CATSPER3: variants seen among roughly 807,000 people sequenced by gnomAD.
CATSPER3 encodes the protein cation channel sperm associated 3.
Under a neutral mutation model 36.6 loss-of-function variants are expected in CATSPER3, and 23 were observed. That is an observed-to-expected ratio of 0.63 (90% CI 0.45 to 0.89). The LOEUF (loss-of-function observed/expected upper bound fraction) is 0.89, where lower values mean the gene tolerates loss of function less well. Among genes scored for constraint, CATSPER3 ranks in the 40% least tolerant of loss-of-function variants. CATSPER3 has a pLI of 0.00. For synonymous variants in CATSPER3, 172 were observed against 184.1 expected (o/e 0.93, Z 0.53); for missense variants, 474 against 503.9 (o/e 0.94, Z 0.57).
At chr5:134,980,742 C>T (rs561713978) in intron 2 of CATSPER3, among the ~76,000 whole-genome samples, 1 of 151,940 alleles carries the variant, frequency 6.6e-6, no homozygotes, top group Non-Finnish European at 1.5e-5. Flanking sequence ...TTCCTCCTTT[C>T]TTTATCAGAC....
intron 2 of CATSPER3, among the ~76,000 whole-genome samples, chr5:134,980,432 T>C (rs982659398): frequency 1.4e-5 from 2 of 147,672 alleles, no homozygotes; most frequent in African/African-American, 4.9e-5. Context: ...TTTCTTTCTT[T>C]CTTTTTTTTT....
chr5:135,011,377 C>T (rs1265570224), intron 7 of CATSPER3, 144 bp from the exon 8 acceptor site: 2 of 701,720 alleles, frequency 2.9e-6, no homozygotes, highest in Non-Finnish European at 5.1e-6. Context: ...TCCAAGATTC[C>T]AACCCAGCCT....
intron 2 of CATSPER3, among the ~76,000 whole-genome samples, chr5:134,994,645 T>G (rs893139861): frequency 6.6e-6 from 1 of 152,216 alleles, no homozygotes; most frequent in African/African-American, 2.4e-5. Context: ...TCAGATCACT[T>G]CCTTCCTCAA....
intron 1 of CATSPER3, 35 bp from the exon 2 acceptor site, chr5:134,969,904 G>A (rs1052340755): frequency 6.2e-7 from 1 of 1,612,480 alleles, no homozygotes; most frequent in African/African-American, 1.3e-5. Context: ...GCTCTATTGT[G>A]CTGTAACCAT....
At chr5:134,997,977 G>C (rs553611073) in intron 3 of CATSPER3, among the ~76,000 whole-genome samples, 1 of 152,034 alleles carries the variant, frequency 6.6e-6, no homozygotes, top group South Asian at 2.1e-4. Flanking sequence ...CAACGTGCAG[G>C]TTTGTTACAT....
In CATSPER3 at chr5:134,969,950, A is replaced by G. The variant is rs745636557; in HGVS notation, c.110A>G (p.Asp37Gly). The change falls in exon 2 of 8, where the codon GAT becomes GGT. Residue 37 changes from aspartate to glycine, a missense_variant. Coordinates refer to ENST00000282611, the MANE Select transcript of CATSPER3 (RefSeq NM_178019.3). ...PTFKKFKRND[D>G]ECRAFVKRVI... is the part of the protein sequence containing the mutation. Reference sequence around the variant, plus strand: ...CAACTTTTTGACAGGAGGAACGATGATGAATGTCGGGCATTTGTGAAGAGA... The same window carrying G: ...CAACTTTTTGACAGGAGGAACGATGGTGAATGTCGGGCATTTGTGAAGAGA... 1 of 1,614,016 alleles carries G rather than the reference A, an allele frequency of 6.2e-7. No individual in the cohort carries two copies. Among genetic ancestry groups the G allele is most frequent in the African/African-American group, 1.3e-5 (1 of 74,922 alleles).
rs1752179361 is a variant in CATSPER3 at position 135,011,501 on chromosome 5, C to T, written c.1095-20C>T. The stretch of plus-strand genomic sequence containing the variant: ...CTGCCTCTGACCTCAGATCTTATCT[C>T]CTCCTGCTCCATTTTTCAGGCTTCA... On this transcript the variant is annotated intron_variant, in intron 7 of 7. Transcript: ENST00000282611. The T allele has an allele frequency of 6.3e-7, 1 of 1,593,374 alleles. No individual in the cohort carries two copies. The highest frequency in any genetic ancestry group is 1.3e-5 in the African/African-American group (1 of 74,472).
At chr5:134,976,730 T>A (rs1335777974) in intron 2 of CATSPER3, among the ~76,000 whole-genome samples, 1 of 152,268 alleles carries the variant, frequency 6.6e-6, no homozygotes, top group African/African-American at 2.4e-5. Flanking sequence ...GGCTTCTGCC[T>A]GGACACCTGG....
chr5:135,004,038 C>T (rs1041425630), intron 3 of CATSPER3, among the ~76,000 whole-genome samples: 12 of 152,202 alleles, frequency 7.9e-5, no homozygotes, highest in African/African-American at 2.2e-4. Context: ...CCATCTTCTG[C>T]GTCACTCACA....
intron 2 of CATSPER3, among the ~76,000 whole-genome samples, chr5:134,974,983 G>C (rs560475583): frequency 6.6e-6 from 1 of 152,120 alleles, no homozygotes; most frequent in Non-Finnish European, 1.5e-5. Context: ...CCTAGGGGAT[G>C]TTCTGTGATG....
At chr5:134,970,619 T>G (rs957745660) in intron 2 of CATSPER3, among the ~76,000 whole-genome samples, 1 of 142,126 alleles carries the variant, frequency 7.0e-6, no homozygotes, top group Non-Finnish European at 1.5e-5. Context: ...TTGCCCAACC[T>G]GCAGTGCAAT....
chr5:134,983,318 A>G (rs1472312656), intron 2 of CATSPER3, among the ~76,000 whole-genome samples: 1 of 152,124 alleles, frequency 6.6e-6, no homozygotes, highest in Non-Finnish European at 1.5e-5. Flanking sequence ...TTTAGATTCA[A>G]AGGTACAAAT....
rs528139550 is a variant in CATSPER3 at position 135,008,240 on chromosome 5, T to G, written c.675+101T>G. The G allele has an allele frequency of 1.1e-5, 11 of 980,454 alleles. No individual in the cohort carries two copies. In the East Asian group the frequency reaches 2.4e-4, roughly 21 times the overall value. 60.7% of individuals were successfully genotyped at this position (980,454 alleles called of 1,614,324 possible). On this transcript the variant is annotated intron_variant, in intron 4 of 7. Transcript: ENST00000282611. ...TGTGGGGCCTCACATGGGGCTTTCC[T>G]CATGTCCAGGTACTCATCTGGGCCT...
intron 3 of CATSPER3, 106 bp from the exon 4 acceptor site, chr5:135,007,851 C>T: frequency 1.9e-6 from 1 of 523,696 alleles, no homozygotes; most frequent in Non-Finnish European, 3.5e-6. Flanking sequence ...CCAGGCATGG[C>T]AACAGTTGCT....
chr5:134,975,067 C>A (rs540609521), intron 2 of CATSPER3: 1 of 152,046 alleles, frequency 6.6e-6, no homozygotes, highest in Non-Finnish European at 1.5e-5. Flanking sequence ...AGAATTTGGA[C>A]AAATTACTTA....
chr5:134,985,488 A>G (rs748665719), intron 2 of CATSPER3, among the ~76,000 whole-genome samples: 12 of 152,254 alleles, frequency 7.9e-5, no homozygotes, highest in South Asian at 2.1e-4. Flanking sequence ...ATTGGGTTCA[A>G]TGCACACCTA....
chr5:134,974,107 A>T (rs1466381194), intron 2 of CATSPER3, among the ~76,000 whole-genome samples: 1 of 152,172 alleles, frequency 6.6e-6, no homozygotes, highest in Non-Finnish European at 1.5e-5. Flanking sequence ...GACAACCAGA[A>T]ATTATGTGCC....
At chr5:134,985,960 A>G (rs1429936689) in intron 2 of CATSPER3, among the ~76,000 whole-genome samples, 2 of 152,036 alleles carry the variant, frequency 1.3e-5, no homozygotes, top group African/African-American at 4.8e-5. Context: ...AAAAAATTTA[A>G]AAAGAAACAC....
intron 2 of CATSPER3, among the ~76,000 whole-genome samples, chr5:134,982,060 C>T (rs370724835): frequency 3.1e-4 from 47 of 152,098 alleles, no homozygotes; most frequent in South Asian, 1.0e-3. Flanking sequence ...ACCCAGGAGA[C>T]GGAGGTTATC....
Sources: gnomAD v4.1 joint callset for allele counts (sites outside exome capture counted in the v4.1 genomes callset) on GRCh38, gnomAD v4.1.1 for gene constraint, MANE v1.5 for transcripts, NCBI Gene and HGNC (gene_info 2026-07-23, HGNC 2026-07-21) for gene names.